The following CNTN5 variants were observed in gnomAD, a reference collection of about 807,000 sequenced individuals.
The protein encoded by CNTN5 is contactin 5.
Under a neutral mutation model 129.1 loss-of-function variants are expected in CNTN5, and 77 were observed. The observed-to-expected ratio is 0.60, with a 90% CI of 0.50 to 0.72. The LOEUF is 0.72. Among genes scored for constraint, CNTN5 ranks in the 30% least tolerant of loss-of-function variants. The pLI, the probability that CNTN5 is intolerant of heterozygous loss-of-function variation, is 0.00. For missense variants in CNTN5, 1,478 were observed against 1,328.8 expected, an observed-to-expected ratio of 1.11 and a Z score of -1.75; for synonymous variants, 509 against 465.6, an observed-to-expected ratio of 1.09 and a Z score of -1.20.
In CNTN5 at chr11:100,027,631, A is replaced by G. The variant is rs551647308; in HGVS notation, c.980+25495A>G. 5.3e-5 allele frequency among the ~76,000 whole-genome samples: 8 copies of G among 152,128 alleles called. 1 individual carries two copies. The South Asian group carries it at 1.7e-3, about 32-fold the overall frequency. ...CATGAGGGATGTCCTGTAGATCTCT[A>G]ACACTCTTTCTCTGCACAGCTGTCC... On this transcript the variant is annotated intron_variant, in intron 9 of 24. Transcript: ENST00000524871.
intron 1 of CNTN5, among the ~76,000 whole-genome samples, chr11:99,097,384 C>A (rs919858182): frequency 6.6e-6 from 1 of 151,780 alleles, no homozygotes; most frequent in Non-Finnish European, 1.5e-5. Flanking sequence ...AATTCAAAAC[C>A]TGAAAATTTT....
chr11:99,126,076 G>A (rs1591237128), intron 1 of CNTN5, among the ~76,000 whole-genome samples: 1 of 152,066 alleles, frequency 6.6e-6, no homozygotes, highest in East Asian at 1.9e-4. Context: ...AATTTAACCA[G>A]GGCTGCGATT....
At chr11:99,525,554 A>G (rs954600392) in intron 2 of CNTN5, among the ~76,000 whole-genome samples, 2 of 152,236 alleles carry the variant, frequency 1.3e-5, no homozygotes, top group Non-Finnish European at 2.9e-5. Flanking sequence ...AATTAAAATG[A>G]TAGATGGACT....
intron 13 of CNTN5, among the ~76,000 whole-genome samples, chr11:100,178,321 C>T (rs1010644632): frequency 2.6e-5 from 4 of 152,086 alleles, no homozygotes; most frequent in African/African-American, 7.2e-5. Flanking sequence ...TCCTCCTTTG[C>T]TCATTTGTTC....
chr11:100,036,706 A>G (rs1459717849), intron 9 of CNTN5, among the ~76,000 whole-genome samples: 2 of 150,042 alleles, frequency 1.3e-5, no homozygotes, highest in East Asian at 3.9e-4. Flanking sequence ...TTGGATTCCT[A>G]GGTATTTTAT....
At chr11:99,250,519 C>T (rs1862042730) in intron 1 of CNTN5, among the ~76,000 whole-genome samples, 1 of 150,690 alleles carries the variant, frequency 6.6e-6, no homozygotes, top group Non-Finnish European at 1.5e-5. Context: ...TCAGCTGTAG[C>T]AATATTAAAA....
intron 13 of CNTN5, among the ~76,000 whole-genome samples, chr11:100,134,445 A>C (rs1264190511): frequency 6.6e-6 from 1 of 152,188 alleles, no homozygotes; most frequent in South Asian, 2.1e-4. Flanking sequence ...AGGAATTTAA[A>C]TGAGATAATG....
intron 13 of CNTN5, among the ~76,000 whole-genome samples, chr11:100,165,767 T>G (rs751651613): frequency 6.6e-6 from 1 of 151,732 alleles, no homozygotes. Context: ...ATTTGATGCT[T>G]GTTTGGTGTT....
At chr11:99,181,888 C>T (rs1443104546) in intron 1 of CNTN5, among the ~76,000 whole-genome samples, 3 of 152,078 alleles carry the variant, frequency 2.0e-5, no homozygotes, top group Non-Finnish European at 4.4e-5. Flanking sequence ...CAAGGTACCA[C>T]TAACAATTGA....
chr11:99,146,402 A>G (rs1009068549), intron 1 of CNTN5, among the ~76,000 whole-genome samples: 3 of 152,162 alleles, frequency 2.0e-5, no homozygotes, highest in African/African-American at 7.2e-5. Context: ...CTGAATACAA[A>G]AATTATGCAT....
At chr11:100,312,852 T>C (rs927957409) in intron 21 of CNTN5, among the ~76,000 whole-genome samples, 12 of 152,032 alleles carry the variant, frequency 7.9e-5, no homozygotes, top group Admixed American at 6.6e-4. Context: ...AATCAGAACA[T>C]CAATAAGATA....
At chr11:99,724,159 C>G (rs981457753) in intron 3 of CNTN5, among the ~76,000 whole-genome samples, 1 of 152,112 alleles carries the variant, frequency 6.6e-6, no homozygotes, top group Non-Finnish European at 1.5e-5. Flanking sequence ...CTCTTCAGTG[C>G]CTGGAGCATG....
At chr11:99,745,384 G>A (rs569772767) in intron 3 of CNTN5, among the ~76,000 whole-genome samples, 8 of 152,008 alleles carry the variant, frequency 5.3e-5, no homozygotes, top group Admixed American at 1.3e-4. Flanking sequence ...CCAAAGGCTC[G>A]GTGTTCATTT....
intron 2 of CNTN5, among the ~76,000 whole-genome samples, chr11:99,354,220 A>G (rs534389540): frequency 9.2e-5 from 14 of 152,326 alleles, no homozygotes; most frequent in South Asian, 8.3e-4. Flanking sequence ...ACATTATGCT[A>G]CATGAACCCA....
At chr11:99,914,958 G>T (rs1226767752) in intron 6 of CNTN5, among the ~76,000 whole-genome samples, 1 of 151,830 alleles carries the variant, frequency 6.6e-6, no homozygotes, top group Non-Finnish European at 1.5e-5. Flanking sequence ...CAGTTTATTT[G>T]TCAAATTAAT....
At chr11:99,916,205 A>T (rs1380712316) in intron 7 of CNTN5, 56 bp downstream of exon 7, 2 of 1,375,252 alleles carry the variant, frequency 1.5e-6, no homozygotes, top group African/African-American at 1.4e-5. Context: ...CTATGTGTTC[A>T]TTCTTTTAGA....
chr11:99,109,066 G>C (rs1483865192), intron 1 of CNTN5, among the ~76,000 whole-genome samples: 1 of 151,382 alleles, frequency 6.6e-6, no homozygotes, highest in Non-Finnish European at 1.5e-5. Flanking sequence ...TATACACATA[G>C]TGTATGTACA....
chr11:99,638,044 T>A (rs1483274357), intron 3 of CNTN5, among the ~76,000 whole-genome samples: 1 of 150,868 alleles, frequency 6.6e-6, no homozygotes, highest in East Asian at 2.0e-4. Flanking sequence ...TGTATTTGTT[T>A]TTACACTGCT....
chr11:99,903,196 A>T (rs756215937), intron 6 of CNTN5, among the ~76,000 whole-genome samples: 1 of 152,012 alleles, frequency 6.6e-6, no homozygotes, highest in Non-Finnish European at 1.5e-5. Flanking sequence ...TACACGAATG[A>T]AGTTGAAAAC....
Sources: allele counts gnomAD v4.1 joint callset (sites outside exome capture counted in the v4.1 genomes callset), GRCh38; gene constraint gnomAD v4.1.1; transcripts MANE v1.5; gene names NCBI Gene and HGNC (gene_info 2026-07-23, HGNC 2026-07-21).